The following GRM7 variants were observed in gnomAD, a reference collection of about 807,000 sequenced individuals.
GRM7 encodes glutamate metabotropic receptor 7.
GRM7 carries 35 observed loss-of-function variants against 84.5 expected under a neutral mutation model. The observed-to-expected ratio is 0.41, with a 90% CI of 0.32 to 0.55. The LOEUF (loss-of-function observed/expected upper bound fraction) is 0.55. Ranked by LOEUF, GRM7 falls within the 20% of genes least tolerant of loss-of-function variation. The pLI is 0.19. For missense variants in GRM7, 1,003 were observed against 1,194.6 expected, an observed-to-expected ratio of 0.84 and a Z score of 2.36; for synonymous variants, 487 against 455.1, an observed-to-expected ratio of 1.07 and a Z score of -0.89.
At chr3:7,480,624 AG>A (rs1699091503) in intron 7 of GRM7, among the ~76,000 whole-genome samples, 1 of 152,200 alleles carries the variant, frequency 6.6e-6, no homozygotes, top group African/African-American at 2.4e-5. Flanking sequence ...TGCACTTGTG[AG>A]TAGTGATTCA....
In GRM7 at chr3:7,557,313, GT is replaced by G. The variant is rs767741977; in HGVS notation, c.1516-21107del. Among the ~76,000 whole-genome samples the G allele has an allele frequency of 7.2e-4, 110 of 152,236 alleles. 2 individuals are homozygous for G. The highest frequency in any genetic ancestry group is 3.4e-3 in the Middle Eastern group (1 of 294). The stretch of plus-strand genomic sequence containing the variant: ...GACATGGAAGATGACAAGAGGAAAT[GT>G]TAAAATAGACTCTAAAATTCTGATT... On this transcript the variant is annotated intron_variant, in intron 7 of 9. Transcript: ENST00000357716.
rs60664437 is a variant in GRM7, at chr3:7,423,613, G to C, written c.1174+8450G>C. Among the ~76,000 whole-genome samples the C allele has an allele frequency of 1.1e-3, 166 of 152,192 alleles. 2 individuals carry two copies. Among genetic ancestry groups the C allele is most frequent in the African/African-American group, 3.9e-3 (160 of 41,536 alleles). On this transcript the variant is annotated intron_variant, in intron 5 of 9. Coordinates refer to ENST00000357716, the MANE Select transcript of GRM7 (RefSeq NM_000844.4). The stretch of plus-strand genomic sequence containing the variant: ...CAGTAGAATATAGCCTTCCTTAGAA[G>C]AGTTTCTAGTAATAGAGGCTTTCTG...
intron 7 of GRM7, among the ~76,000 whole-genome samples, chr3:7,578,187 C>G (rs778286401): frequency 3.9e-5 from 6 of 152,152 alleles, no homozygotes; most frequent in Non-Finnish European, 8.8e-5. Flanking sequence ...TTTGTATTGC[C>G]TCAGGGAATT....
intron 1 of GRM7, among the ~76,000 whole-genome samples, chr3:6,994,487 G>C (rs1022022133): frequency 6.6e-6 from 1 of 152,182 alleles, no homozygotes; most frequent in Non-Finnish European, 1.5e-5. Context: ...GTCCACAGGA[G>C]GGAGACACTA....
At chr3:7,005,975 G>A (rs1056416465) in intron 1 of GRM7, among the ~76,000 whole-genome samples, 1 of 152,136 alleles carries the variant, frequency 6.6e-6, no homozygotes, top group Non-Finnish European at 1.5e-5. Context: ...TAACGAAGGG[G>A]ATATAGCCAA....
intron 1 of GRM7, among the ~76,000 whole-genome samples, chr3:7,131,699 G>A (rs1311329415): frequency 2.0e-5 from 3 of 151,932 alleles, no homozygotes; most frequent in Non-Finnish European, 4.4e-5. Flanking sequence ...GGATGGACTC[G>A]ATCTCTTGAC....
At chr3:7,383,389 A>G (rs991520865) in intron 4 of GRM7, among the ~76,000 whole-genome samples, 1 of 152,210 alleles carries the variant, frequency 6.6e-6, no homozygotes, top group African/African-American at 2.4e-5. Context: ...ATGGAGGGAT[A>G]GAAATTAAGC....
chr3:7,452,212 A>G (rs1350498949), intron 5 of GRM7, among the ~76,000 whole-genome samples: 2 of 152,046 alleles, frequency 1.3e-5, no homozygotes, highest in Middle Eastern at 3.4e-3. Flanking sequence ...AGGTGTGTAG[A>G]AAGTAATGAA....
At chr3:7,273,644 T>C (rs1259974057) in intron 2 of GRM7, among the ~76,000 whole-genome samples, 4 of 151,846 alleles carry the variant, frequency 2.6e-5, no homozygotes, top group African/African-American at 9.7e-5. Flanking sequence ...TCTGAAGTCT[T>C]TTCTGTCTTG....
chr3:7,017,945 C>G (rs1695635535), intron 1 of GRM7, among the ~76,000 whole-genome samples: 1 of 152,106 alleles, frequency 6.6e-6, no homozygotes, highest in Non-Finnish European at 1.5e-5. Flanking sequence ...GTTCCAAGCA[C>G]CTAATTACTT....
At chr3:7,184,820 A>G (rs1235379265) in intron 2 of GRM7, among the ~76,000 whole-genome samples, 1 of 151,984 alleles carries the variant, frequency 6.6e-6, no homozygotes, top group African/African-American at 2.4e-5. Flanking sequence ...TGATTTCACT[A>G]TTGTTGATAT....
chr3:7,189,417 C>T (rs1351235594), intron 2 of GRM7, among the ~76,000 whole-genome samples: 9 of 152,096 alleles, frequency 5.9e-5, no homozygotes, highest in Non-Finnish European at 1.3e-4. Flanking sequence ...CAAATGAAGA[C>T]GATCTGGCTT....
At chr3:7,073,524 T>G (rs1172728289) in intron 1 of GRM7, among the ~76,000 whole-genome samples, 1 of 152,116 alleles carries the variant, frequency 6.6e-6, no homozygotes, top group Non-Finnish European at 1.5e-5. Context: ...CGTTCCCTGA[T>G]AGTTGATTTT....
At chr3:6,990,025 A>C (rs1694574443) in intron 1 of GRM7, among the ~76,000 whole-genome samples, 1 of 151,910 alleles carries the variant, frequency 6.6e-6, no homozygotes, top group Non-Finnish European at 1.5e-5. Flanking sequence ...ATGCTAGCTG[A>C]CTCTGCATTT....
chr3:7,245,077 T>C (rs1370827874), intron 2 of GRM7, among the ~76,000 whole-genome samples: 4 of 151,966 alleles, frequency 2.6e-5, no homozygotes, highest in Non-Finnish European at 2.9e-5. Context: ...GGATATAACA[T>C]CTTTTGATCA....
intron 2 of GRM7, among the ~76,000 whole-genome samples, chr3:7,295,231 A>C (rs116549892): frequency 0.023 from 3,489 of 152,304 alleles, 141 homozygotes; most frequent in African/African-American, 0.079. Context: ...TTATTTTGGC[A>C]TCATTTGTTG....
At chr3:7,217,378 T>C (rs1484108290) in intron 2 of GRM7, among the ~76,000 whole-genome samples, 1 of 152,174 alleles carries the variant, frequency 6.6e-6, no homozygotes, top group Non-Finnish European at 1.5e-5. Flanking sequence ...TTCAACTTTA[T>C]TACCTACAAC....
rs3804812 is a variant in GRM7, at chr3:7,721,959, G to A, written c.2699-18398G>A. On this transcript the variant is annotated intron_variant, in intron 9 of 9. Coordinates refer to ENST00000357716, the MANE Select transcript of GRM7 (RefSeq NM_000844.4). The stretch of plus-strand genomic sequence containing the variant: ...ACAGTGGCTAATGATGACAGTATGC[G>A]TGGATGGAAGTGGAAATATGTTGAC... Among the ~76,000 whole-genome samples the A allele has an allele frequency of 7.8e-3, 1,194 of 152,314 alleles. 22 individuals carry two copies. In the East Asian group the frequency reaches 0.08, roughly 10 times the overall value.
At chr3:7,252,663 A>ATTTTT (rs1485740736) in intron 2 of GRM7, among the ~76,000 whole-genome samples, 2 of 19,680 alleles carry the variant, frequency 1.0e-4, no homozygotes, top group African/African-American at 2.6e-4. Context: ...TCTCTTTTCT[A>ATTTTT]TTTTTTTCTT....
Sources: gnomAD v4.1 joint callset for allele counts (sites outside exome capture counted in the v4.1 genomes callset) on GRCh38, gnomAD v4.1.1 for gene constraint, MANE v1.5 for transcripts, NCBI Gene and HGNC (gene_info 2026-07-23, HGNC 2026-07-21) for gene names.